CHRNA4: variants seen among roughly 807,000 people sequenced by gnomAD.
The protein encoded by CHRNA4 is cholinergic receptor nicotinic alpha 4 subunit.
Under a neutral mutation model 48.9 loss-of-function variants are expected in CHRNA4, and 28 were observed. That is an observed-to-expected ratio of 0.57 (90% CI 0.42 to 0.79). The LOEUF (loss-of-function observed/expected upper bound fraction) is 0.79, where lower values mean the gene tolerates loss of function less well. CHRNA4 is among the 30% of genes least tolerant of loss of function. The pLI is 0.00. For synonymous variants in CHRNA4, 425 were observed against 402.3 expected, an observed-to-expected ratio of 1.06 and a Z score of -0.68; for missense variants, 859 against 898.4, an observed-to-expected ratio of 0.96 and a Z score of 0.56.
chr20:63,347,744 G>A (rs1363822092), intron 5 of CHRNA4, among the ~76,000 whole-genome samples: 1 of 152,202 alleles, frequency 6.6e-6, no homozygotes, highest in Non-Finnish European at 1.5e-5. Flanking sequence ...CTGCCTCTGG[G>A]CCCGGCCGTG....
intron 4 of CHRNA4, 89 bp downstream of exon 4, chr20:63,355,886 G>A (rs2068708916): frequency 3.2e-6 from 5 of 1,551,602 alleles, no homozygotes; most frequent in East Asian, 2.4e-5. Context: ...CTGGGCCTTG[G>A]TGGAGCTCCC....
At chr20:63,352,630 C>T (rs1238785695) in intron 4 of CHRNA4, among the ~76,000 whole-genome samples, 7 of 152,212 alleles carry the variant, frequency 4.6e-5, no homozygotes, top group African/African-American at 7.2e-5. Context: ...CAAAAACCAA[C>T]GCCCTCCACC....
chr20:63,351,972 C>CA (rs1568812992), intron 4 of CHRNA4, among the ~76,000 whole-genome samples: 1 of 152,250 alleles, frequency 6.6e-6, no homozygotes, highest in Non-Finnish European at 1.5e-5. Context: ...CCTCCACCCC[C>CA]ACCCACAGAA....
chr20:63,359,912 T>TGCCGGGC (rs1473094463), intron 1 of CHRNA4: 168 of 517,508 alleles, frequency 3.2e-4, no homozygotes, highest in East Asian at 8.3e-4. Context: ...TGTGTGTGTG[T>TGCCGGGC]GTGTGTGTGT....
intron 1 of CHRNA4, 122 bp from the exon 2 acceptor site, chr20:63,359,821 C>A: frequency 9.1e-7 from 1 of 1,102,678 alleles, no homozygotes; most frequent in Non-Finnish European, 1.3e-6. Context: ...CAGCTCCTCA[C>A]ATGAGCCCTT....
chr20:63,348,563 G>A (rs1186288554), intron 5 of CHRNA4, among the ~76,000 whole-genome samples: 1 of 152,222 alleles, frequency 6.6e-6, no homozygotes, highest in Non-Finnish European at 1.5e-5. Flanking sequence ...GCGCTCTGGG[G>A]TCCTGGCAGA....
rs376366984 is a variant in CHRNA4 at position 63,347,215 on chromosome 20, G to C, written c.1759-352C>G. 2.7e-3 allele frequency among the ~76,000 whole-genome samples: 409 copies of C among 152,334 alleles called. 1 individual carries two copies. Among genetic ancestry groups the C allele is most frequent in the African/African-American group, 9.3e-3 (387 of 41,582 alleles). ...TGCTCCGGGAAGGGGGCACGGGGGA[G>C]GGGGGCTCAGGCACCCCGTGAGCGG... On this transcript the variant is annotated intron_variant, in intron 5 of 5. Coordinates refer to ENST00000370263, the MANE Select transcript of CHRNA4 (RefSeq NM_000744.7).
chr20:63,355,899 T>C (rs1453805479), intron 4 of CHRNA4, 76 bp downstream of exon 4: 52 of 1,575,066 alleles, frequency 3.3e-5, no homozygotes, highest in Non-Finnish European at 4.1e-5. Context: ...GAGCTCCCTG[T>C]CTGGGCAGGG....
chr20:63,343,266 G>T lies in CHRNA4; in HGVS notation c.*3472C>A. 2.3e-6 allele frequency: 1 copy of T among 435,472 alleles called. No homozygotes were observed. 27.0% of individuals were successfully genotyped at this position (435,472 alleles called of 1,614,324 possible). A position where few individuals can be genotyped will look rare whatever the true frequency, so the allele number is the denominator to read the frequency against. On this transcript the variant is annotated 3_prime_UTR_variant, in exon 6 of 6. Coordinates refer to ENST00000370263, the MANE Select transcript of CHRNA4 (RefSeq NM_000744.7). ...TTCATTGAAGTCTGTGCACACACTG[G>T]GAGCACATTCCAGGGCTTGGCAGAC...
Position 63,343,283 on chromosome 20 carries a change from T to G in CHRNA4, c.*3455A>C, listed in dbSNP as rs1345376549. 1 of 443,928 alleles carries G rather than the reference T, an allele frequency of 2.3e-6. No homozygotes were observed. The highest frequency in any genetic ancestry group is 2.0e-5 in the African/African-American group (1 of 49,762). 27.5% of individuals were successfully genotyped at this position (443,928 alleles called of 1,614,324 possible). ...ACACACTGGGAGCACATTCCAGGGC[T>G]TGGCAGACATTGCCTGCAGAAGCCG... On this transcript the variant is annotated 3_prime_UTR_variant, in exon 6 of 6. Coordinates refer to ENST00000370263, the MANE Select transcript of CHRNA4 (RefSeq NM_000744.7).
intron 4 of CHRNA4, among the ~76,000 whole-genome samples, chr20:63,353,193 C>A (rs2068641787): frequency 6.6e-6 from 1 of 152,248 alleles, no homozygotes; most frequent in Non-Finnish European, 1.5e-5. Context: ...GGGCCGAGGC[C>A]TCCCACCCTG....
In CHRNA4 at chr20:63,350,436, G is replaced by A. The variant is rs754427429; in HGVS notation, c.975C>T (p.Val325=). ...IFVTLSIVIT[V]FVLNVHHRSP... ...AGCGGTGGTGCACGTTGAGCACGAA[G>A]ACCGTGATGACGATGGACAGGGTGA... The change falls in exon 5 of 6, where the codon GTC becomes GTT. Residue 325 remains valine (V), a synonymous_variant. Transcript: ENST00000370263. The A allele has an allele frequency of 1.5e-5, 25 of 1,613,832 alleles. No individual in the cohort carries two copies. Among genetic ancestry groups the A allele is most frequent in the Non-Finnish European group, 2.0e-5 (24 of 1,180,044 alleles).
At chr20:63,357,043 C>CATCCCACAGG (rs2145403544) in intron 2 of CHRNA4, among the ~76,000 whole-genome samples, 1 of 147,466 alleles carries the variant, frequency 6.8e-6, no homozygotes, top group African/African-American at 2.5e-5. Context: ...CCCACAGGAC[C>CATCCCACAGG]ACAACCCACA....
chr20:63,348,397 G>A (rs1217520629), intron 5 of CHRNA4, among the ~76,000 whole-genome samples: 47 of 152,260 alleles, frequency 3.1e-4, no homozygotes. Context: ...GGAACCTGCA[G>A]GAGGTTTTGC....
At chr20:63,356,660 C>T (rs910753477) in intron 2 of CHRNA4, 14 of 584,832 alleles carry the variant, frequency 2.4e-5, no homozygotes, top group Admixed American at 2.0e-4. Flanking sequence ...GGAGAGGAGT[C>T]GGCGGCCTCA....
rs920663610 is a variant in CHRNA4 at position 63,349,537 on chromosome 20, A to T, written c.1758+116T>A. 1.4e-5 allele frequency: 19 copies of T among 1,370,666 alleles called. No homozygotes were observed. The South Asian group carries it at 2.1e-4, about 15-fold the overall frequency. The allele number at this position is 1,370,666 out of a possible 1,614,324, so 84.9% of individuals were successfully genotyped here. On this transcript the variant is annotated intron_variant, in intron 5 of 5. Coordinates refer to ENST00000370263, the MANE Select transcript of CHRNA4 (RefSeq NM_000744.7). ...CAGCAGGGGCCACGCCCTGCACCCC[A>T]AAGCGAAGCAGCCTGAGGCCTGGGC...
At chr20:63,355,490 C>T (rs1238513426) in intron 4 of CHRNA4, 1 of 1,287,992 alleles carries the variant, frequency 7.8e-7, no homozygotes, top group Non-Finnish European at 1.0e-6. Flanking sequence ...TCTGGGGCTT[C>T]CTCACCCCTC....
rs1310660701 is a variant in CHRNA4, at chr20:63,361,342, C to A, written c.-177G>T. ...CGGCGGCGCGGCAGGGAGCGCCGGG[C>A]TGTGGGCTCCGTGGCGCGGCCCCGC... On this transcript the variant is annotated 5_prime_UTR_variant, in exon 1 of 6. Coordinates refer to ENST00000370263, the MANE Select transcript of CHRNA4 (RefSeq NM_000744.7). 2.9e-6 allele frequency: 3 copies of A among 1,026,864 alleles called. No individual in the cohort carries two copies. The highest frequency in any genetic ancestry group is 3.4e-6 in the Non-Finnish European group (3 of 880,118). The allele number at this position is 1,026,864 out of a possible 1,614,324, so 63.6% of individuals were successfully genotyped here.
chr20:63,356,845 G>A (rs998848414), intron 2 of CHRNA4, among the ~76,000 whole-genome samples: 2 of 152,168 alleles, frequency 1.3e-5, no homozygotes, highest in African/African-American at 4.8e-5. Flanking sequence ...TGCTGGCCAG[G>A]GTGGCCCCTC....
Sources: allele counts gnomAD v4.1 joint callset (sites outside exome capture counted in the v4.1 genomes callset), GRCh38; gene constraint gnomAD v4.1.1; transcripts MANE v1.5; gene names NCBI Gene and HGNC (gene_info 2026-07-23, HGNC 2026-07-21).